KCNC1: variants seen among roughly 807,000 people sequenced by gnomAD.
The protein encoded by KCNC1 is potassium voltage-gated channel subfamily C member 1, also known as voltage-gated potassium channel KCNC1.
In KCNC1, 8 loss-of-function variants were observed where a neutral mutation model predicts 43.4. The ratio of observed to expected loss-of-function variants is 0.18; its 90% CI spans 0.11 to 0.33. The LOEUF (loss-of-function observed/expected upper bound fraction) is 0.33, where lower values mean the gene tolerates loss of function less well. Among genes scored for constraint, KCNC1 ranks in the 10% least tolerant of loss-of-function variants. The pLI is 1.00. For missense variants in KCNC1, 420 were observed against 836.0 expected (o/e 0.50, Z 6.14); for synonymous variants, 361 against 360.5 (o/e 1.00, Z -0.01).
rs751206864 is a variant in KCNC1 at position 17,736,473 on chromosome 11, C to T, written c.471C>T (p.Leu157=). ...TGGAGATGACCAAGCGCCTGGCGCT[C>T]AGTGACTCCCCGGATGGCCGGCCTG... ...DELEMTKRLA[L]SDSPDGRPGG... is the part of the protein sequence containing the mutation. The change falls in exon 1 of 4, where the codon CTC becomes CTT. Residue 157 remains leucine (L), a synonymous_variant. Transcript: ENST00000265969. The surrounding 1 kb of genome is among the most constrained non-coding windows in gnomAD (Gnocchi z 9.3). The T allele has an allele frequency of 3.8e-6, 6 of 1,599,718 alleles. No homozygotes were observed. The highest frequency in any genetic ancestry group is 5.1e-6 in the Non-Finnish European group (6 of 1,177,056).
rs1174077335 is a variant in KCNC1, at chr11:17,756,035, CAAG to C, written c.571-15623_571-15621del. Reference sequence around the variant, plus strand: ...AGAGGCTATGCGGTCCCAGGAAGTGCAAGAAGAAGGAGGGAGGGATCAGTGGCA... The same window carrying C: ...AGAGGCTATGCGGTCCCAGGAAGTGCAAGAAGGAGGGAGGGATCAGTGGCA... On this transcript the variant is annotated intron_variant, in intron 1 of 3. Transcript: ENST00000265969. 6.6e-5 allele frequency among the ~76,000 whole-genome samples: 10 copies of C among 152,130 alleles called. 1 individual carries two copies. The highest frequency in any genetic ancestry group is 5.2e-4 in the Admixed American group (8 of 15,268).
At chr11:17,740,210 C>T (rs1260080745) in intron 1 of KCNC1, among the ~76,000 whole-genome samples, 1 of 152,168 alleles carries the variant, frequency 6.6e-6, no homozygotes, top group Non-Finnish European at 1.5e-5. Flanking sequence ...GGCCCCCTTT[C>T]CTGTGCTCTG....
chr11:17,754,637 C>T (rs1473670376), intron 1 of KCNC1, among the ~76,000 whole-genome samples: 14 of 152,174 alleles, frequency 9.2e-5, no homozygotes. Context: ...CTCCCCATTT[C>T]CTGGAGGAAG....
intron 1 of KCNC1, among the ~76,000 whole-genome samples, chr11:17,737,135 C>T (rs1279657578): frequency 2.0e-5 from 3 of 151,908 alleles, no homozygotes; most frequent in South Asian, 2.1e-4. Context: ...GAGCAGCCTC[C>T]GGCAATTTTG....
Position 17,779,237 on chromosome 11 carries a change from A to C in KCNC1, c.1505-219A>C. On this transcript the variant is annotated intron_variant, in intron 2 of 3. Coordinates refer to ENST00000265969, the MANE Select transcript of KCNC1 (RefSeq NM_001112741.2). The surrounding 1 kb of genome is among the most constrained non-coding windows in gnomAD (Gnocchi z 7.2). ...ACTTTGAGCAAACCCAGGAGTCCCC[A>C]CTCCCAGCACTGTGGGCAGCCCGAA... is the stretch of plus-strand genomic sequence containing the variant. The C allele has an allele frequency of 2.1e-6, 1 of 466,796 alleles. No individual in the cohort carries two copies. The highest frequency in any genetic ancestry group is 3.7e-6 in the Non-Finnish European group (1 of 267,524). 28.9% of individuals were successfully genotyped at this position (466,796 alleles called of 1,614,324 possible). A position where few individuals can be genotyped will look rare whatever the true frequency, so the allele number is the denominator to read the frequency against.
chr11:17,745,043 C>T (rs781604380), intron 1 of KCNC1, among the ~76,000 whole-genome samples: 4 of 152,070 alleles, frequency 2.6e-5, no homozygotes, highest in South Asian at 2.1e-4. Context: ...ATTTGTTAGA[C>T]GTGAAGCCTT....
rs1462940757 is a variant in KCNC1 at position 17,779,511 on chromosome 11, C to G, written c.1560C>G (p.Pro520=). 6.4e-7 allele frequency: 1 copy of G among 1,551,370 alleles called. No homozygotes were observed. The highest frequency in any genetic ancestry group is 8.7e-7 in the Non-Finnish European group (1 of 1,146,888). ...CCGCGCTGGCGAACGAAGACTGCCC[C>G]CACATAGACCAGGCCCTCACTCCCG... The part of the protein sequence containing the change: ...AKAALANEDC[P]HIDQALTPDE... The change falls in exon 3 of 4, where the codon CCC becomes CCG. Residue 520 remains proline, a synonymous_variant. Coordinates refer to ENST00000265969, the MANE Select transcript of KCNC1 (RefSeq NM_001112741.2). The surrounding 1 kb of genome is among the most constrained non-coding windows in gnomAD (Gnocchi z 7.2).
chr11:17,735,953 C>T lies in KCNC1; in HGVS notation c.-50C>T. ...CCCCGGCGCCAACTCCCCCTGGCGG[C>T]CGCTCCCATGGGTGTCGCTGGGCCG... On this transcript the variant is annotated 5_prime_UTR_variant, in exon 1 of 4. Transcript: ENST00000265969. This position sits in a 1 kb window ranked among gnomAD's most constrained non-coding sequence, Gnocchi z 6.7. 1 of 1,380,550 alleles carries T rather than the reference C, an allele frequency of 7.2e-7. No homozygotes were observed. Among genetic ancestry groups the T allele is most frequent in the Non-Finnish European group, 9.3e-7 (1 of 1,075,422 alleles). The allele number at this position is 1,380,550 out of a possible 1,614,324, so 85.5% of individuals were successfully genotyped here.
intron 1 of KCNC1, among the ~76,000 whole-genome samples, chr11:17,743,581 C>T (rs1388365499): frequency 6.6e-6 from 1 of 152,224 alleles, no homozygotes; most frequent in African/African-American, 2.4e-5. Context: ...TCCATATGGC[C>T]TAAAGTGAAA....
At chr11:17,744,260 A>G (rs1004236117) in intron 1 of KCNC1, among the ~76,000 whole-genome samples, 3 of 152,144 alleles carry the variant, frequency 2.0e-5, no homozygotes, top group Admixed American at 2.0e-4. Flanking sequence ...AGCTTCCCAG[A>G]GGAGCTGGGG....
chr11:17,763,689 A>G (rs1342066270), intron 1 of KCNC1, among the ~76,000 whole-genome samples: 2 of 79,508 alleles, frequency 2.5e-5, no homozygotes, highest in Non-Finnish European at 4.8e-5. Flanking sequence ...CACATGCACA[A>G]ATACACACCC....
intron 1 of KCNC1, among the ~76,000 whole-genome samples, chr11:17,765,307 A>AG (rs779238316): frequency 7.2e-5 from 11 of 152,240 alleles, no homozygotes; most frequent in Non-Finnish European, 1.3e-4. Flanking sequence ...TCCGATCCGA[A>AG]AGGCAAGCAC....
At chr11:17,760,808 T>G (rs1849069004) in intron 1 of KCNC1, among the ~76,000 whole-genome samples, 1 of 152,224 alleles carries the variant, frequency 6.6e-6, no homozygotes, top group Non-Finnish European at 1.5e-5. Context: ...TCTTTCCCTC[T>G]GAATGGCAGC....
intron 1 of KCNC1, among the ~76,000 whole-genome samples, chr11:17,744,966 G>GC (rs1434286197): frequency 1.3e-5 from 2 of 152,076 alleles, no homozygotes; most frequent in East Asian, 3.9e-4. Context: ...CTGCATTGGG[G>GC]CCTGAGAGGT....
intron 1 of KCNC1, among the ~76,000 whole-genome samples, chr11:17,755,728 G>T (rs1021119427): frequency 2.0e-5 from 3 of 152,190 alleles, no homozygotes; most frequent in African/African-American, 7.2e-5. Context: ...GAGTTTGAAA[G>T]AGCTGGTAGA....
At chr11:17,761,027 C>T (rs1038149844) in intron 1 of KCNC1, among the ~76,000 whole-genome samples, 3 of 152,174 alleles carry the variant, frequency 2.0e-5, no homozygotes, top group Admixed American at 1.3e-4. Context: ...CTTTCCCTCC[C>T]GACACCCAAG....
Position 17,776,640 on chromosome 11 carries a change from G to A in KCNC1, c.1505-2816G>A, listed in dbSNP as rs978124105. On this transcript the variant is annotated intron_variant, in intron 2 of 3. Transcript: ENST00000265969. This position sits in a 1 kb window ranked among gnomAD's most constrained non-coding sequence, Gnocchi z 4.4. ...ATCACTGCAGGCCTGTGGGTCTAGTGGGGGCCTGGGGGCCCTGGGCTGGGG... is the reference window on the plus strand; with the variant it reads ...ATCACTGCAGGCCTGTGGGTCTAGTAGGGGCCTGGGGGCCCTGGGCTGGGG... 7 of 985,206 alleles carry A rather than the reference G, an allele frequency of 7.1e-6. No homozygotes were observed. Among genetic ancestry groups the A allele is most frequent in the Non-Finnish European group, 8.4e-6 (7 of 829,938 alleles). 61.0% of individuals were successfully genotyped at this position (985,206 alleles called of 1,614,324 possible).
At chr11:17,769,969 A>G (rs900315049) in intron 1 of KCNC1, among the ~76,000 whole-genome samples, 1 of 152,224 alleles carries the variant, frequency 6.6e-6, no homozygotes, top group Non-Finnish European at 1.5e-5. Context: ...TCATTCTGAG[A>G]TGCCAACTTT....
chr11:17,738,445 C>A (rs1565153475), intron 1 of KCNC1, among the ~76,000 whole-genome samples: 3 of 152,172 alleles, frequency 2.0e-5, no homozygotes, highest in African/African-American at 7.2e-5. Context: ...GGCAGCATCT[C>A]CCCCACCAAC....
Sources: allele counts gnomAD v4.1 joint callset (sites outside exome capture counted in the v4.1 genomes callset), GRCh38; gene constraint gnomAD v4.1.1; non-coding constraint Gnocchi (gnomAD v3.1); transcripts MANE v1.5; gene names NCBI Gene and HGNC (gene_info 2026-07-23, HGNC 2026-07-21).